Variants in PLSCR4 observed in about 807,000 individuals in gnomAD.
PLSCR4 encodes Ca(2+)-dependent phospholipid scramblase 4.
Under a neutral mutation model 36.3 loss-of-function variants are expected in PLSCR4, and 25 were observed. The ratio of observed to expected loss-of-function variants is 0.69; its 90% CI spans 0.50 to 0.96. The LOEUF (loss-of-function observed/expected upper bound fraction) is 0.96, where lower values mean the gene tolerates loss of function less well. Among genes scored for constraint, PLSCR4 ranks in the 40% least tolerant of loss-of-function variants. The pLI is 0.00. For synonymous variants in PLSCR4, 122 were observed against 132.9 expected (o/e 0.92, Z 0.56); for missense variants, 408 against 414.7 (o/e 0.98, Z 0.14).
At chr3:146,206,929 T>C (rs1246521829) in intron 3 of PLSCR4, among the ~76,000 whole-genome samples, 168 bp from the exon 4 acceptor site, 1 of 152,116 alleles carries the variant, frequency 6.6e-6, no homozygotes, top group Non-Finnish European at 1.5e-5. Context: ...CAACGATGTA[T>C]TAGGGAGACT....
In PLSCR4 at chr3:146,195,196, A is replaced by C; in HGVS notation, c.873T>G (p.His291Gln). 1 of 1,613,732 alleles carries C rather than the reference A, an allele frequency of 6.2e-7. No individual in the cohort carries two copies. Among genetic ancestry groups the C allele is most frequent in the South Asian group, 1.1e-5 (1 of 91,060 alleles). Residue 291 changes from histidine (H) to glutamine (Q), a missense_variant, in exon 8 of 9, where the codon CAT becomes CAG. Transcript: ENST00000354952. ...GGTCTAGTGGGAAGTGAATGTCAAAATGGTCAGCATCTGCCATTGCTGATA... is the reference window on the plus strand; with the variant it reads ...GGTCTAGTGGGAAGTGAATGTCAAACTGGTCAGCATCTGCCATTGCTGATA... ...GLLSAMADAD[H>Q]FDIHFPLDLD...
chr3:146,199,646 T>TA (rs1479171094), intron 6 of PLSCR4, among the ~76,000 whole-genome samples, 167 bp downstream of exon 6: 1 of 152,122 alleles, frequency 6.6e-6, no homozygotes, highest in Non-Finnish European at 1.5e-5. Flanking sequence ...AAAAATCCTC[T>TA]ATGATTTTCC....
chr3:146,215,401 A>G (rs1319487111), intron 3 of PLSCR4, among the ~76,000 whole-genome samples: 1 of 152,068 alleles, frequency 6.6e-6, no homozygotes, highest in Non-Finnish European at 1.5e-5. Flanking sequence ...AGATCCTTTT[A>G]TTTAACTAAT....
chr3:146,218,149 G>A (rs2034975592), intron 3 of PLSCR4, among the ~76,000 whole-genome samples: 1 of 152,060 alleles, frequency 6.6e-6, no homozygotes, highest in African/African-American at 2.4e-5. Flanking sequence ...AAAGTATAAC[G>A]TATTTGGAAA....
chr3:146,237,957 G>C (rs2035987091), intron 1 of PLSCR4, among the ~76,000 whole-genome samples: 1 of 151,144 alleles, frequency 6.6e-6, no homozygotes, highest in African/African-American at 2.4e-5. Context: ...CACTAATAAA[G>C]AAAAAGAGAA....
intron 3 of PLSCR4, among the ~76,000 whole-genome samples, chr3:146,211,928 C>T (rs1221822519): frequency 1.3e-5 from 2 of 152,032 alleles, no homozygotes; most frequent in Non-Finnish European, 2.9e-5. Flanking sequence ...TATCTTTATG[C>T]TAGTACTGTG....
intron 6 of PLSCR4, among the ~76,000 whole-genome samples, chr3:146,197,804 T>C (rs2033828333): frequency 1.3e-5 from 2 of 152,106 alleles, no homozygotes; most frequent in African/African-American, 4.8e-5. Flanking sequence ...ACCCAGGACA[T>C]GGAACAGGAC....
intron 1 of PLSCR4, among the ~76,000 whole-genome samples, chr3:146,232,120 C>T (rs2035736474): frequency 6.6e-6 from 1 of 152,026 alleles, no homozygotes; most frequent in South Asian, 2.1e-4. Context: ...GAAGTCTTTC[C>T]CCATTGCTTG....
At chr3:146,227,737 C>A (rs1468202755) in intron 1 of PLSCR4, among the ~76,000 whole-genome samples, 2 of 152,202 alleles carry the variant, frequency 1.3e-5, no homozygotes. Flanking sequence ...ACTCTGGGTC[C>A]TGTCTGTCTC....
intron 1 of PLSCR4, among the ~76,000 whole-genome samples, chr3:146,246,601 G>A (rs73865386): frequency 0.011 from 1,617 of 152,038 alleles, 32 homozygotes; most frequent in African/African-American, 0.037. Context: ...GTTATTTAGA[G>A]TAGAAAAATA....
intron 1 of PLSCR4, among the ~76,000 whole-genome samples, chr3:146,234,637 T>C (rs905150776): frequency 2.0e-5 from 3 of 151,918 alleles, no homozygotes; most frequent in Non-Finnish European, 2.9e-5. Flanking sequence ...TAAAACCTCA[T>C]TTTTTTTCTG....
chr3:146,195,126 T>C lies in PLSCR4; in HGVS notation c.943A>G (p.Ile315Val). The C allele has an allele frequency of 6.2e-7, 1 of 1,613,498 alleles. No homozygotes were observed. Among genetic ancestry groups the C allele is most frequent in the Non-Finnish European group, 8.5e-7 (1 of 1,179,584 alleles). Residue 315 changes from isoleucine to valine, a missense_variant and splice_region_variant, in exon 8 of 9, where the codon ATT becomes GTT. Physicochemically the swap from Ile to Val is conservative, Grantham distance 29. Coordinates refer to ENST00000354952, the MANE Select transcript of PLSCR4 (RefSeq NM_020353.3). ...KAMIFGACFL[I>V]DFMYFERSPP... ...TAACTCAAAAATAGAAGGCTTACAATGAGGAAGCAAGCTCCAAAAATCATG... is the reference window on the plus strand; with the variant it reads ...TAACTCAAAAATAGAAGGCTTACAACGAGGAAGCAAGCTCCAAAAATCATG...
At chr3:146,223,934 A>G (rs2035307517) in intron 1 of PLSCR4, among the ~76,000 whole-genome samples, 1 of 145,308 alleles carries the variant, frequency 6.9e-6, no homozygotes, top group South Asian at 2.1e-4. Context: ...AATAATACAA[A>G]TATATAATAA....
Position 146,195,179 on chromosome 3 carries a change from G to A in PLSCR4, c.890C>T (p.Pro297Leu), listed in dbSNP as rs762797844. ...ADADHFDIHFPLDLDVKMKAM... is the reference protein window; with the variant it reads ...ADADHFDIHFLLDLDVKMKAM... ...TTTCATCTTCACATCCAGGTCTAGT[G>A]GGAAGTGAATGTCAAAATGGTCAGC... Residue 297 changes from proline (P) to leucine (L), a missense_variant, in exon 8 of 9, where the codon CCA (proline) becomes CTA (leucine). Physicochemically the swap from Pro to Leu is moderately conservative, Grantham distance 98. Transcript: ENST00000354952. 1.9e-6 allele frequency: 3 copies of A among 1,613,698 alleles called. No homozygotes were observed. Among genetic ancestry groups the A allele is most frequent in the African/African-American group, 2.7e-5 (2 of 75,026 alleles).
chr3:146,224,030 G>C (rs1228002660), intron 1 of PLSCR4, among the ~76,000 whole-genome samples: 3 of 151,062 alleles, frequency 2.0e-5, no homozygotes, highest in African/African-American at 7.3e-5. Flanking sequence ...AGTAAAAGGA[G>C]TTCAAGGGGT....
intron 1 of PLSCR4, among the ~76,000 whole-genome samples, chr3:146,229,845 C>T (rs888443693): frequency 1.3e-5 from 2 of 151,884 alleles, no homozygotes; most frequent in Admixed American, 6.6e-5. Context: ...AGGATGGTCT[C>T]GATCTCCTGA....
intron 1 of PLSCR4, chr3:146,223,745 A>C (rs936494542): frequency 1.3e-4 from 19 of 151,700 alleles, no homozygotes; most frequent in Non-Finnish European, 2.6e-4. Context: ...CTGGAGCTGG[A>C]GTTTGTTGTA....
chr3:146,221,028 C>A, intron 2 of PLSCR4, 103 bp from the exon 3 acceptor site: 1 of 636,490 alleles, frequency 1.6e-6, no homozygotes, highest in Non-Finnish European at 2.7e-6. Flanking sequence ...GAAATATAAT[C>A]AACTGGAAAA....
At chr3:146,212,809 C>T (rs996874457) in intron 3 of PLSCR4, among the ~76,000 whole-genome samples, 3 of 152,054 alleles carry the variant, frequency 2.0e-5, no homozygotes, top group African/African-American at 2.4e-5. Context: ...ATGAAATGAA[C>T]GTTTTCAGTC....
Sources: allele counts gnomAD v4.1 joint callset (sites outside exome capture counted in the v4.1 genomes callset), GRCh38; gene constraint gnomAD v4.1.1; transcripts MANE v1.5; gene names NCBI Gene and HGNC (gene_info 2026-07-23, HGNC 2026-07-21).